Variants in PRR33 observed in about 807,000 individuals in gnomAD.
PRR33 encodes proline-rich protein 33.
In PRR33, 1 loss-of-function variant was observed where a neutral mutation model predicts 0.5. The observed-to-expected ratio is 2.18, with a 90% CI of 0.77 to 10.34. PRR33 has a LOEUF of 10.34. Among genes scored for constraint, PRR33 ranks in the 30% most tolerant of loss-of-function variants. The pLI is 0.13. For missense variants in PRR33, 552 were observed against 251.8 expected (o/e 2.19, Z -8.07); for synonymous variants, 226 against 110.0 (o/e 2.06, Z -6.60).
the PRR33 span, among the ~76,000 whole-genome samples, chr11:1,908,869 C>T: frequency 2.0e-5 from 3 of 152,288 alleles, no homozygotes; most frequent in South Asian, 2.1e-4. Context: ...TGGGCTGGAA[C>T]GCCTTAGTGT....
At chr11:1,907,661 G>C in the PRR33 span, among the ~76,000 whole-genome samples, 1 of 152,110 alleles carries the variant, frequency 6.6e-6, no homozygotes. Context: ...TGATCCAACC[G>C]CCCCGGCCTC....
At chr11:1,893,861 A>G (rs1849086146), upstream of PRR33, among the ~76,000 whole-genome samples, 2 of 150,300 alleles carry the variant, frequency 1.3e-5, 1 homozygote, top group Middle Eastern at 7.0e-3. Context: ...GAAAGGACGG[A>G]TAGATAGATA....
At chr11:1,904,254 C>T in the PRR33 span, among the ~76,000 whole-genome samples, 6 of 152,174 alleles carry the variant, frequency 3.9e-5, no homozygotes, top group South Asian at 4.1e-4. Context: ...CTTGGCCGGG[C>T]GCAGTGGCTC....
At chr11:1,895,619 C>T (rs1453260750), upstream of PRR33, among the ~76,000 whole-genome samples, 1 of 152,124 alleles carries the variant, frequency 6.6e-6, no homozygotes, top group Non-Finnish European at 1.5e-5. Flanking sequence ...GAAATCTTTG[C>T]CTTATCCAGA....
chr11:1,913,744 T>G, the PRR33 span, among the ~76,000 whole-genome samples: 1 of 152,242 alleles, frequency 6.6e-6, no homozygotes, highest in Non-Finnish European at 1.5e-5. Flanking sequence ...GTCCTCTGGT[T>G]TGGAGGCTCT....
chr11:1,898,181 T>C, the PRR33 span, among the ~76,000 whole-genome samples: 1 of 152,124 alleles, frequency 6.6e-6, no homozygotes. Flanking sequence ...TTAAAGACTG[T>C]TGTGTAACCA....
chr11:1,891,377 A>C (rs896710654), exon 1 of PRR33: 2 of 152,418 alleles, frequency 1.3e-5, no homozygotes, highest in South Asian at 2.1e-4. Flanking sequence ...CTGCCAAGGC[A>C]AGAACAGAGC....
chr11:1,899,065 C>T, the PRR33 span, among the ~76,000 whole-genome samples: 1,910 of 152,190 alleles, frequency 0.013, 8 homozygotes, highest in Middle Eastern at 0.048. Context: ...AAAGGTTGTC[C>T]ACATATAGGA....
chr11:1,900,717 A>C, the PRR33 span, among the ~76,000 whole-genome samples: 1 of 152,362 alleles, frequency 6.6e-6, no homozygotes, highest in African/African-American at 2.4e-5. Context: ...ATATACCCGG[A>C]TGTATCAGAA....
the PRR33 span, among the ~76,000 whole-genome samples, chr11:1,915,003 T>A: frequency 6.7e-6 from 1 of 150,270 alleles, no homozygotes; most frequent in African/African-American, 2.5e-5. Context: ...GGGGATGATA[T>A]TTCTCTGTGT....
At chr11:1,894,711 G>A (rs147512995), upstream of PRR33, among the ~76,000 whole-genome samples, 11 of 152,226 alleles carry the variant, frequency 7.2e-5, no homozygotes, top group African/African-American at 2.6e-4. Flanking sequence ...TCATCTGTTC[G>A]TCTCTTGGTG....
At chr11:1,904,461 G>T in the PRR33 span, among the ~76,000 whole-genome samples, 1 of 151,958 alleles carries the variant, frequency 6.6e-6, no homozygotes, top group Non-Finnish European at 1.5e-5. Context: ...CCTGGTAGGC[G>T]GAGGTTGCAG....
At chr11:1,898,121 T>C in the PRR33 span, among the ~76,000 whole-genome samples, 1 of 152,206 alleles carries the variant, frequency 6.6e-6, no homozygotes, top group African/African-American at 2.4e-5. Context: ...GTTTAGCTAG[T>C]AAGGGATCCA....
exon 1 of PRR33, chr11:1,889,125 TG>T: frequency 4.8e-6 from 3 of 625,992 alleles, no homozygotes; most frequent in Admixed American, 2.7e-5. Flanking sequence ...TCCTGGGCTC[TG>T]GGGGCCATTC....
chr11:1,901,849 A>G, the PRR33 span, among the ~76,000 whole-genome samples: 2 of 152,276 alleles, frequency 1.3e-5, no homozygotes, highest in African/African-American at 4.8e-5. Flanking sequence ...GTGGAGATGT[A>G]AATTTCTTTC....
At chr11:1,914,114 G>T in the PRR33 span, among the ~76,000 whole-genome samples, 4 of 152,264 alleles carry the variant, frequency 2.6e-5, no homozygotes, top group East Asian at 7.7e-4. Context: ...CAATGAACAC[G>T]CCTGGTTGGG....
the PRR33 span, among the ~76,000 whole-genome samples, chr11:1,908,253 C>T: frequency 1.3e-5 from 2 of 152,128 alleles, no homozygotes; most frequent in African/African-American, 2.4e-5. Flanking sequence ...TGTTCTTGGC[C>T]GTTCCTTCGT....
the PRR33 span, among the ~76,000 whole-genome samples, chr11:1,914,853 C>CCG: frequency 8.0e-6 from 1 of 125,350 alleles, no homozygotes; most frequent in African/African-American, 3.2e-5. Flanking sequence ...GGAGATGTTT[C>CCG]TGTGTGTGTG....
At chr11:1,910,549 G>A in the PRR33 span, among the ~76,000 whole-genome samples, 37 of 152,086 alleles carry the variant, frequency 2.4e-4, no homozygotes, top group Admixed American at 6.6e-5. Flanking sequence ...TGCCTGGCTG[G>A]GGTTCTCTAT....
Sources: allele counts gnomAD v4.1 joint callset (sites outside exome capture counted in the v4.1 genomes callset), GRCh38; gene constraint gnomAD v4.1.1; transcripts MANE v1.5; gene names NCBI Gene and HGNC (gene_info 2026-07-23, HGNC 2026-07-21).